The following TRIO variants were observed in gnomAD, a reference collection of about 807,000 sequenced individuals.
TRIO encodes trio Rho guanine nucleotide exchange factor.
In TRIO, 58 loss-of-function variants were observed where a neutral mutation model predicts 351.9. The observed-to-expected ratio is 0.16, with a 90% CI of 0.13 to 0.21. TRIO has a LOEUF of 0.21. Ranked by LOEUF, TRIO falls within the 10% of genes least tolerant of loss-of-function variation. The probability of loss-of-function intolerance (pLI) is 1.00; values close to 1 mark genes in which losing one functional copy is unlikely to be tolerated. For synonymous variants in TRIO, 1,758 were observed against 1,595.7 expected (o/e 1.10, Z -2.42); for missense variants, 3,201 against 4,027.8 (o/e 0.79, Z 5.56).
intron 8 of TRIO, among the ~76,000 whole-genome samples, chr5:14,314,766 G>A (rs1739235271): frequency 6.6e-6 from 1 of 152,272 alleles, no homozygotes; most frequent in African/African-American, 2.4e-5. Context: ...CAAAATCTTT[G>A]CATCAGCAAT....
intron 1 of TRIO, among the ~76,000 whole-genome samples, chr5:14,162,150 A>T (rs1788499680): frequency 6.6e-6 from 1 of 152,238 alleles, no homozygotes; most frequent in Non-Finnish European, 1.5e-5. Context: ...GAATCATTCC[A>T]TTCACATATC....
At chr5:14,288,093 C>A (rs1030855960) in intron 4 of TRIO, among the ~76,000 whole-genome samples, 1 of 152,144 alleles carries the variant, frequency 6.6e-6, no homozygotes, top group African/African-American at 2.4e-5. Context: ...GAAAGATGAA[C>A]CCAGTAAGCC....
intron 11 of TRIO, among the ~76,000 whole-genome samples, chr5:14,344,508 A>T (rs1742239108): frequency 2.0e-5 from 3 of 152,238 alleles, no homozygotes; most frequent in Admixed American, 2.0e-4. Context: ...ACAATATAGG[A>T]TAATACAATC....
chr5:14,198,295 T>C (rs1336841473), intron 1 of TRIO, among the ~76,000 whole-genome samples: 1 of 152,190 alleles, frequency 6.6e-6, no homozygotes, highest in Non-Finnish European at 1.5e-5. Context: ...CCCATTTCCC[T>C]CTCTCTGCTG....
intron 11 of TRIO, among the ~76,000 whole-genome samples, chr5:14,340,919 C>T (rs1741888158): frequency 6.6e-6 from 1 of 152,156 alleles, no homozygotes; most frequent in Non-Finnish European, 1.5e-5. Flanking sequence ...GCCCATTTGC[C>T]CCTCAAGCCC....
chr5:14,294,690 A>G (rs1413568315), intron 6 of TRIO, among the ~76,000 whole-genome samples: 2 of 152,192 alleles, frequency 1.3e-5, no homozygotes, highest in African/African-American at 2.4e-5. Flanking sequence ...CTTATTTGCC[A>G]TGTGACCTTG....
At chr5:14,296,979 C>T in intron 6 of TRIO, 93 bp from the exon 7 acceptor site, 1 of 1,046,632 alleles carries the variant, frequency 9.6e-7, no homozygotes. Flanking sequence ...CTGTTAGAAG[C>T]CTGTGTTTCA....
At chr5:14,323,119 G>C (rs1740034403) in intron 9 of TRIO, among the ~76,000 whole-genome samples, 1 of 152,126 alleles carries the variant, frequency 6.6e-6, no homozygotes, top group Non-Finnish European at 1.5e-5. Flanking sequence ...CATCTTCAAT[G>C]TCAGTCCGTG....
chr5:14,374,861 T>G (rs2152348453), intron 19 of TRIO, among the ~76,000 whole-genome samples: 1 of 152,230 alleles, frequency 6.6e-6, no homozygotes, highest in Non-Finnish European at 1.5e-5. Context: ...TGTGTGTGTG[T>G]AAGTGTTTAG....
At chr5:14,179,577 C>T (rs549012977) in intron 1 of TRIO, among the ~76,000 whole-genome samples, 1 of 151,920 alleles carries the variant, frequency 6.6e-6, no homozygotes, top group African/African-American at 2.4e-5. Flanking sequence ...CTGCCTCAGC[C>T]AGGCATGCAT....
At chr5:14,154,917 AT>A (rs1201269836) in intron 1 of TRIO, among the ~76,000 whole-genome samples, 1 of 152,100 alleles carries the variant, frequency 6.6e-6, no homozygotes, top group Non-Finnish European at 1.5e-5. Flanking sequence ...CCGTTTGAAG[AT>A]TTCTAGGATT....
chr5:14,462,643 C>G (rs1248203615), intron 35 of TRIO, 112 bp from the exon 36 acceptor site: 2 of 1,419,634 alleles, frequency 1.4e-6, no homozygotes, highest in African/African-American at 1.4e-5. Context: ...TAGCTTTGTT[C>G]CTGATTTCTG....
At chr5:14,421,227 A>AT (rs1276372956) in intron 34 of TRIO, among the ~76,000 whole-genome samples, 27 of 118,078 alleles carry the variant, frequency 2.3e-4, no homozygotes, top group East Asian at 1.0e-3. Context: ...TTATTTATTT[A>AT]TTTATTTTAT....
intron 34 of TRIO, among the ~76,000 whole-genome samples, chr5:14,442,975 C>G (rs547185926): frequency 1.4e-4 from 21 of 152,232 alleles, no homozygotes; most frequent in Admixed American, 2.6e-4. Context: ...AACAATTTTT[C>G]TAAAGAGTAA....
At chr5:14,329,936 C>T (rs920256721) in intron 9 of TRIO, among the ~76,000 whole-genome samples, 9 of 152,170 alleles carry the variant, frequency 5.9e-5, no homozygotes, top group Admixed American at 2.0e-4. Flanking sequence ...TTTCAGTCCA[C>T]ATTTGGTTGT....
At chr5:14,259,016 G>A (rs1473023013) in intron 1 of TRIO, among the ~76,000 whole-genome samples, 1 of 152,180 alleles carries the variant, frequency 6.6e-6, no homozygotes, top group Non-Finnish European at 1.5e-5. Context: ...GGGAGGAGAC[G>A]CCACCAGGCC....
chr5:14,400,871 C>A, intron 30 of TRIO, 92 bp from the exon 31 acceptor site: 3 of 1,183,894 alleles, frequency 2.5e-6, no homozygotes, highest in Non-Finnish European at 3.6e-6. Context: ...CTAACATGGC[C>A]ACAAGTAACC....
chr5:14,325,484 A>T (rs1434175802), intron 9 of TRIO, among the ~76,000 whole-genome samples: 1 of 152,124 alleles, frequency 6.6e-6, no homozygotes, highest in Non-Finnish European at 1.5e-5. Flanking sequence ...CTTTTCAACA[A>T]TGAGCTCTTG....
rs758317514 is a variant in TRIO, at chr5:14,297,161, C to A, written c.1266C>A (p.Ile422=). 6 of 1,614,220 alleles carry A rather than the reference C, an allele frequency of 3.7e-6. No individual in the cohort carries two copies. Among genetic ancestry groups the A allele is most frequent in the Non-Finnish European group, 5.1e-6 (6 of 1,180,040 alleles). The change falls in exon 7 of 57, where the codon ATC becomes ATA. Residue 422 remains isoleucine (I), a synonymous_variant. Transcript: ENST00000344204. ...ATGCCTCGCAGCAGATCAGGCAGAT[C>A]GCGAGTCAGCTGGAGCAGGAGTGGA... The part of the protein sequence containing the change: ...GHYASQQIRQ[I]ASQLEQEWKA...
Sources: allele counts gnomAD v4.1 joint callset (sites outside exome capture counted in the v4.1 genomes callset), GRCh38; gene constraint gnomAD v4.1.1; transcripts MANE v1.5; gene names NCBI Gene and HGNC (gene_info 2026-07-23, HGNC 2026-07-21).